Variants in DUSP19 observed in about 807,000 individuals in gnomAD.
The protein encoded by DUSP19 is dual specificity phosphatase 19.
In DUSP19, 14 loss-of-function variants were observed where a neutral mutation model predicts 16.6. The observed-to-expected ratio is 0.84, with a 90% CI of 0.56 to 1.32. DUSP19 has a LOEUF of 1.32. Among genes scored for constraint, DUSP19 ranks in the 40% most tolerant of loss-of-function variants. DUSP19 has a pLI of 0.00. For missense variants in DUSP19, 258 were observed against 255.9 expected (o/e 1.01, Z -0.06); for synonymous variants, 81 against 90.5 (o/e 0.90, Z 0.59).
chr2:183,080,930 T>C (rs962704001), intron 1 of DUSP19, among the ~76,000 whole-genome samples: 6 of 152,130 alleles, frequency 3.9e-5, no homozygotes, highest in Non-Finnish European at 7.3e-5. Context: ...GTTGAAAGAG[T>C]TGTTTCTGAC....
In DUSP19 at chr2:183,083,557, A is replaced by G. The variant is rs773987802; in HGVS notation, c.273+3A>G. 1.9e-6 allele frequency: 3 copies of G among 1,607,744 alleles called. No homozygotes were observed. In the African/African-American group the frequency reaches 4.0e-5, roughly 22 times the overall value. Reference sequence around the variant, plus strand: ...TGGATACACTGAAAAAGAATAAGGTAAAAAAATGCTTTAAGTCTGGCACCA... The same window carrying G: ...TGGATACACTGAAAAAGAATAAGGTGAAAAAATGCTTTAAGTCTGGCACCA... On this transcript the variant is annotated splice_donor_region_variant and intron_variant, in intron 2 of 3. Transcript: ENST00000354221.
At chr2:183,082,302 G>C (rs558272912) in intron 1 of DUSP19, among the ~76,000 whole-genome samples, 26 of 150,832 alleles carry the variant, frequency 1.7e-4, no homozygotes, top group East Asian at 7.8e-4. Flanking sequence ...TTAACATTTT[G>C]TTCTATGTAT....
At chr2:183,087,425 A>G (rs1045824558) in intron 3 of DUSP19, among the ~76,000 whole-genome samples, 3 of 152,214 alleles carry the variant, frequency 2.0e-5, no homozygotes, top group African/African-American at 7.2e-5. Flanking sequence ...TAGACTTGTT[A>G]GTGTATTTAT....
At chr2:183,085,076 G>A (rs533876906) in intron 2 of DUSP19, among the ~76,000 whole-genome samples, 24 of 152,284 alleles carry the variant, frequency 1.6e-4, no homozygotes, top group African/African-American at 5.8e-4. Context: ...AACATGTTAG[G>A]TTTTGGGTGA....
chr2:183,079,262 C>A, intron 1 of DUSP19, 103 bp downstream of exon 1: 2 of 1,158,284 alleles, frequency 1.7e-6, no homozygotes, highest in Non-Finnish European at 2.4e-6. Flanking sequence ...AGCTATCCTG[C>A]CGAAAAGCTG....
At chr2:183,091,291 G>C (rs1366007577) in intron 3 of DUSP19, among the ~76,000 whole-genome samples, 1 of 152,068 alleles carries the variant, frequency 6.6e-6, no homozygotes, top group Non-Finnish European at 1.5e-5. Context: ...AAGTTGTCCA[G>C]GTTCTTGGCA....
chr2:183,083,669 T>C, intron 2 of DUSP19, 115 bp downstream of exon 2: 5 of 781,176 alleles, frequency 6.4e-6, no homozygotes, highest in Non-Finnish European at 9.6e-6. Context: ...TGGTAACATT[T>C]TGGCTATCAT....
chr2:183,082,826 G>GTTCCTTCC (rs200714461), intron 1 of DUSP19, among the ~76,000 whole-genome samples: 6 of 135,382 alleles, frequency 4.4e-5, no homozygotes, highest in Non-Finnish European at 8.1e-5. Flanking sequence ...TCGTTCGTTC[G>GTTCCTTCC]TTCCTTCCTT....
chr2:183,086,144 T>C (rs2105499949), intron 2 of DUSP19, among the ~76,000 whole-genome samples: 1 of 152,214 alleles, frequency 6.6e-6, no homozygotes, highest in East Asian at 1.9e-4. Flanking sequence ...TTCAGCCAGA[T>C]TGGTTCATCA....
At position 183,097,028 on chromosome 2, in the gene DUSP19, C is replaced by CT. The variant is rs34201127; in HGVS notation, c.*1384dup. The CT allele has an allele frequency of 7.7e-3, 1,034 of 134,332 alleles. 5 individuals carry two copies. Among genetic ancestry groups the CT allele is most frequent in the Non-Finnish European group, 0.012 (731 of 61,488 alleles). The allele number at this position is 134,332 out of a possible 1,614,324, so 8.3% of individuals were successfully genotyped here. On this transcript the variant is annotated 3_prime_UTR_variant, in exon 4 of 4. Transcript: ENST00000354221. ...ATTAAGACAGTTTCTTTTTTCTTTT[C>CT]TTTTTTTTTTTTTTCGAGACAGGGT...
In DUSP19 at chr2:183,099,659, T is replaced by G. The variant is rs1044303758; in HGVS notation, c.*4001T>G. ...CATTAATATATTTCTTTGAAGCTAT[T>G]TGTTTTAAAAGATGTAACACTTATT... On this transcript the variant is annotated 3_prime_UTR_variant, in exon 4 of 4. Transcript: ENST00000354221. The G allele has an allele frequency of 1.3e-5, 2 of 152,180 alleles. No homozygotes were observed. Among genetic ancestry groups the G allele is most frequent in the Admixed American group, 1.3e-4 (2 of 15,268 alleles). The allele number at this position is 152,180 out of a possible 1,614,324, so 9.4% of individuals were successfully genotyped here.
At chr2:183,083,089 A>G (rs1188636468) in intron 1 of DUSP19, among the ~76,000 whole-genome samples, 2 of 152,116 alleles carry the variant, frequency 1.3e-5, no homozygotes, top group Non-Finnish European at 2.9e-5. Context: ...TTTTTTTTCT[A>G]TAGACAGGGT....
Position 183,087,195 on chromosome 2 carries a change from G to A in DUSP19, c.426+3G>A. ...TTATTGAAGAAGCAAAAAGAAAAGTGAGTTTTGTTTTGATCCATAGTTCTG... is the reference window on the plus strand; with the variant it reads ...TTATTGAAGAAGCAAAAAGAAAAGTAAGTTTTGTTTTGATCCATAGTTCTG... On this transcript the variant is annotated splice_donor_region_variant and intron_variant, in intron 3 of 3. Transcript: ENST00000354221. The A allele has an allele frequency of 6.2e-7, 1 of 1,612,030 alleles. No individual in the cohort carries two copies. Among genetic ancestry groups the A allele is most frequent in the Non-Finnish European group, 8.5e-7 (1 of 1,179,486 alleles).
rs771672851 is a variant in DUSP19 at position 183,083,563 on chromosome 2, A to G, written c.273+9A>G. 1.9e-6 allele frequency: 3 copies of G among 1,609,936 alleles called. No homozygotes were observed. Among genetic ancestry groups the G allele is most frequent in the South Asian group, 1.1e-5 (1 of 90,070 alleles). ...CACTGAAAAAGAATAAGGTAAAAAA[A>G]TGCTTTAAGTCTGGCACCATATACA... On this transcript the variant is annotated intron_variant, in intron 2 of 3. Transcript: ENST00000354221.
intron 1 of DUSP19, 84 bp from the exon 2 acceptor site, chr2:183,083,424 A>T (rs1030014151): frequency 2.3e-6 from 3 of 1,287,972 alleles, no homozygotes; most frequent in Non-Finnish European, 3.2e-6. Flanking sequence ...TTTTTTTTTT[A>T]ATAACAGAAT....
chr2:183,084,090 G>A (rs1387262782), intron 2 of DUSP19, among the ~76,000 whole-genome samples: 5 of 152,144 alleles, frequency 3.3e-5, no homozygotes, highest in Non-Finnish European at 7.3e-5. Flanking sequence ...GACCTAAGGG[G>A]CAGACAGAGA....
chr2:183,093,495 A>G lies in DUSP19; in HGVS notation c.427-1936A>G, dbSNP rs534133548. The stretch of plus-strand genomic sequence containing the variant: ...CATAGGACAACAGCAAGTGCAAAGG[A>G]AAAAAAAAGTGGTTTATAAATTGTT... On this transcript the variant is annotated intron_variant, in intron 3 of 3. Transcript: ENST00000354221. 4.1e-4 allele frequency among the ~76,000 whole-genome samples: 62 copies of G among 151,178 alleles called. No individual in the cohort carries two copies. In the South Asian group the frequency reaches 4.2e-3, roughly 10 times the overall value.
rs770962122 is a variant in DUSP19, at chr2:183,095,544, G to A, written c.540G>A (p.Val180=). The change falls in exon 4 of 4, where the codon GTG becomes GTA. Residue 180 remains valine (V), a synonymous_variant. Coordinates refer to ENST00000354221, the MANE Select transcript of DUSP19 (RefSeq NM_080876.4). ...CATTTACCAGTGCTTTTTCTTTGGT[G>A]AAAAATGCAAGACCTTCCATATGTC... ...QTSFTSAFSL[V]KNARPSICPN... 13 of 1,613,536 alleles carry A rather than the reference G, an allele frequency of 8.1e-6. No individual in the cohort carries two copies. Among genetic ancestry groups the A allele is most frequent in the African/African-American group, 1.3e-5 (1 of 74,788 alleles).
chr2:183,080,019 G>A (rs1248148936), intron 1 of DUSP19, among the ~76,000 whole-genome samples: 1 of 152,208 alleles, frequency 6.6e-6, no homozygotes, highest in Non-Finnish European at 1.5e-5. Flanking sequence ...GGGATTATCA[G>A]CTTTGTTTTA....
Sources: allele counts gnomAD v4.1 joint callset (sites outside exome capture counted in the v4.1 genomes callset), GRCh38; gene constraint gnomAD v4.1.1; transcripts MANE v1.5; gene names NCBI Gene and HGNC (gene_info 2026-07-23, HGNC 2026-07-21).